MACROD1: variants seen among roughly 807,000 people sequenced by gnomAD.
The protein encoded by MACROD1 is mono-ADP ribosylhydrolase 1.
MACROD1 carries 31 observed loss-of-function variants against 41.4 expected under a neutral mutation model. That is an observed-to-expected ratio of 0.75 (90% confidence interval 0.56 to 1.01). MACROD1 has a LOEUF of 1.01. Among genes scored for constraint, MACROD1 ranks in the 50% least tolerant of loss-of-function variants. The probability of loss-of-function intolerance (pLI) is 0.00; values close to 1 mark genes in which losing one functional copy is unlikely to be tolerated. For missense variants in MACROD1, 473 were observed against 460.0 expected (o/e 1.03, Z -0.26); for synonymous variants, 252 against 203.4 (o/e 1.24, Z -2.03).
chr11:64,031,998 T>C (rs896441142), intron 3 of MACROD1, among the ~76,000 whole-genome samples: 16 of 152,222 alleles, frequency 1.1e-4, no homozygotes, highest in Non-Finnish European at 2.1e-4. Context: ...TCTGAACATC[T>C]GCAATTTGTC....
intron 4 of MACROD1, among the ~76,000 whole-genome samples, chr11:64,004,475 C>T (rs1465104447): frequency 6.6e-6 from 1 of 152,132 alleles, no homozygotes; most frequent in Non-Finnish European, 1.5e-5. Context: ...AACAAACAAG[C>T]AGGCAGGGGC....
chr11:64,056,059 G>A (rs540741), intron 3 of MACROD1, among the ~76,000 whole-genome samples: 22,261 of 152,256 alleles, frequency 0.15, 1,956 homozygotes, highest in Non-Finnish European at 0.19. Flanking sequence ...GCCAGGGTTG[G>A]CAGGAGGCTG....
In MACROD1 at chr11:64,117,951, G is replaced by A. The variant is rs764780926; in HGVS notation, c.517+33288C>T. ...GGCGGGCATCATCGGCGGGGCAGTGGCTCTGGTCTTCCTCTTCCTGGTCCT... is the reference window on the plus strand; with the variant it reads ...GGCGGGCATCATCGGCGGGGCAGTGACTCTGGTCTTCCTCTTCCTGGTCCT... On this transcript the variant is annotated intron_variant, in intron 3 of 10. Coordinates refer to ENST00000255681, the MANE Select transcript of MACROD1 (RefSeq NM_014067.4). 9 of 1,613,578 alleles carry A rather than the reference G, an allele frequency of 5.6e-6. No homozygotes were observed. The African/African-American group carries it at 1.2e-4, about 22-fold the overall frequency.
At chr11:64,015,318 A>AGG in intron 3 of MACROD1, 37 bp from the exon 4 acceptor site, 1 of 1,591,942 alleles carries the variant, frequency 6.3e-7, no homozygotes, top group Non-Finnish European at 8.6e-7. Context: ...TCAGTGGGGA[A>AGG]GGGGCTGCGG....
intron 3 of MACROD1, among the ~76,000 whole-genome samples, chr11:64,045,355 G>T (rs562193946): frequency 6.6e-6 from 1 of 151,642 alleles, no homozygotes; most frequent in African/African-American, 2.4e-5. Context: ...ATTGTTCCCC[G>T]AGTTATGCTC....
intron 3 of MACROD1, among the ~76,000 whole-genome samples, chr11:64,121,720 C>A (rs1242418402): frequency 6.6e-6 from 1 of 152,224 alleles, no homozygotes; most frequent in Non-Finnish European, 1.5e-5. Context: ...CCCGGGCTCC[C>A]GTGCACAGCT....
chr11:64,144,625 G>A (rs1254919999), intron 3 of MACROD1, among the ~76,000 whole-genome samples: 3 of 151,720 alleles, frequency 2.0e-5, no homozygotes, highest in African/African-American at 2.4e-5. Flanking sequence ...GAGGGAGCCC[G>A]GCCCCACCTG....
intron 3 of MACROD1, among the ~76,000 whole-genome samples, chr11:64,079,826 C>G (rs1944273011): frequency 6.6e-6 from 1 of 152,032 alleles, no homozygotes; most frequent in African/African-American, 2.4e-5. Context: ...ACTTGGACCC[C>G]AGGAAGGAGC....
intron 4 of MACROD1, among the ~76,000 whole-genome samples, chr11:64,003,859 C>T (rs999137238): frequency 6.6e-6 from 1 of 152,198 alleles, no homozygotes; most frequent in Non-Finnish European, 1.5e-5. Context: ...CCCCTTCCAG[C>T]AGGGGGGCTG....
chr11:64,088,364 G>A (rs1439885221), intron 3 of MACROD1, among the ~76,000 whole-genome samples: 1 of 152,178 alleles, frequency 6.6e-6, no homozygotes, highest in Non-Finnish European at 1.5e-5. Context: ...GTGGGGCCTT[G>A]GGCGTGACTG....
intron 3 of MACROD1, among the ~76,000 whole-genome samples, chr11:64,083,391 G>A (rs778317625): frequency 6.6e-6 from 1 of 152,174 alleles, no homozygotes; most frequent in Non-Finnish European, 1.5e-5. Context: ...AGCTGAGATT[G>A]CACCACTGCA....
At chr11:64,017,201 C>A (rs762957520) in intron 3 of MACROD1, among the ~76,000 whole-genome samples, 5 of 152,164 alleles carry the variant, frequency 3.3e-5, no homozygotes, top group Non-Finnish European at 7.3e-5. Flanking sequence ...GTACTCCTGA[C>A]CTCAAGTGAT....
chr11:64,081,203 G>T (rs1336219003), intron 3 of MACROD1, among the ~76,000 whole-genome samples: 1 of 152,164 alleles, frequency 6.6e-6, no homozygotes, highest in Non-Finnish European at 1.5e-5. Context: ...TGTAGTTTTA[G>T]TAGAGATGGG....
chr11:64,081,274 G>A (rs190025922), intron 3 of MACROD1, among the ~76,000 whole-genome samples: 8 of 152,238 alleles, frequency 5.3e-5, no homozygotes, highest in South Asian at 2.1e-4. Flanking sequence ...TGCCCACCTC[G>A]GCCTCCCAAA....
At position 64,065,556 on chromosome 11, in the gene MACROD1, A is replaced by G. The variant is rs553839505; in HGVS notation, c.518-50275T>C. 9.5e-4 allele frequency among the ~76,000 whole-genome samples: 145 copies of G among 151,996 alleles called. No individual in the cohort carries two copies. In the Middle Eastern group the frequency reaches 0.017, roughly 18 times the overall value. The stretch of plus-strand genomic sequence containing the variant: ...TGTAATCCCAGCACTTTGGGAGGCC[A>G]AGGTGGGCGAATCACGAGGTCAGGA... On this transcript the variant is annotated intron_variant, in intron 3 of 10. Transcript: ENST00000255681.
intron 3 of MACROD1, among the ~76,000 whole-genome samples, chr11:64,017,190 C>T (rs1943093334): frequency 6.6e-6 from 1 of 152,144 alleles, no homozygotes; most frequent in Non-Finnish European, 1.5e-5. Context: ...AAGCTGGTAT[C>T]GTACTCCTGA....
At chr11:64,094,446 T>C (rs1362035670) in intron 3 of MACROD1, among the ~76,000 whole-genome samples, 2 of 134,726 alleles carry the variant, frequency 1.5e-5, no homozygotes, top group Non-Finnish European at 3.4e-5. Flanking sequence ...AAAAAAAAAA[T>C]CCCAAAAAAC....
At position 64,151,369 on chromosome 11, in the gene MACROD1, G is replaced by A. The variant is rs767223003; in HGVS notation, c.401-14C>T. On this transcript the variant is annotated splice_polypyrimidine_tract_variant and intron_variant, in intron 2 of 10. Transcript: ENST00000255681. ...TCACAGCCACCCCTGGAACAAGTAG[G>A]GGCCGGGGAGGTCACAGCGAGGCTG... 1.3e-6 allele frequency: 2 copies of A among 1,598,998 alleles called. No homozygotes were observed. The highest frequency in any genetic ancestry group is 1.7e-6 in the Non-Finnish European group (2 of 1,167,848).
intron 3 of MACROD1, among the ~76,000 whole-genome samples, chr11:64,127,418 TC>T (rs1331125652): frequency 4.0e-5 from 3 of 74,836 alleles, no homozygotes; most frequent in Non-Finnish European, 3.3e-5. Context: ...GCCCACCCCC[TC>T]CCCGGACCTT....
Sources: gnomAD v4.1 joint callset for allele counts (sites outside exome capture counted in the v4.1 genomes callset) on GRCh38, gnomAD v4.1.1 for gene constraint, MANE v1.5 for transcripts, NCBI Gene and HGNC (gene_info 2026-07-23, HGNC 2026-07-21) for gene names.